The following HPSE2 variants were observed in gnomAD, a reference collection of about 807,000 sequenced individuals.
HPSE2 encodes inactive heparanase-2.
HPSE2 carries 38 observed loss-of-function variants against 60.5 expected under a neutral mutation model. The ratio of observed to expected loss-of-function variants is 0.63; its 90% CI spans 0.48 to 0.82. The LOEUF (loss-of-function observed/expected upper bound fraction) is 0.82, where lower values mean the gene tolerates loss of function less well. Ranked by LOEUF, HPSE2 falls within the 40% of genes least tolerant of loss-of-function variation. HPSE2 has a pLI of 0.00. For missense variants in HPSE2, 713 were observed against 740.4 expected (o/e 0.96, Z 0.43); for synonymous variants, 295 against 293.2 (o/e 1.01, Z -0.06).
chr10:98,622,935 T>A (rs1413940000), intron 7 of HPSE2, among the ~76,000 whole-genome samples: 1 of 152,144 alleles, frequency 6.6e-6, no homozygotes, highest in Non-Finnish European at 1.5e-5. Context: ...ATGGCCAGAT[T>A]AAAGGACTAC....
At chr10:98,996,501 A>T in intron 3 of HPSE2, among the ~76,000 whole-genome samples, 1 of 152,214 alleles carries the variant, frequency 6.6e-6, no homozygotes, top group East Asian at 1.9e-4. Flanking sequence ...AGATATTTTT[A>T]TGAGAAAAAC....
rs1164663628 is a variant in HPSE2, at chr10:98,482,547, G to A, written c.1613+89C>T. 9.8e-6 allele frequency: 15 copies of A among 1,525,896 alleles called. No individual in the cohort carries two copies. In the Admixed American group the frequency reaches 2.3e-4, roughly 24 times the overall value. 94.5% of individuals were successfully genotyped at this position (1,525,896 alleles called of 1,614,324 possible). Reference sequence around the variant, plus strand: ...ACTCCATCCCACTGAGCCCTTGAGAGAATTAGCAGCAACCTTGGTGTCTTC... The same window carrying A: ...ACTCCATCCCACTGAGCCCTTGAGAAAATTAGCAGCAACCTTGGTGTCTTC... On this transcript the variant is annotated intron_variant, in intron 11 of 11. Transcript: ENST00000370552.
chr10:98,541,981 C>T (rs71486163), intron 9 of HPSE2, among the ~76,000 whole-genome samples: 55,865 of 139,056 alleles, frequency 0.4, 11,557 homozygotes, highest in South Asian at 0.53. Flanking sequence ...TCTCCCAGCA[C>T]GCAGCTGGAG....
Position 98,647,972 on chromosome 10 carries a change from G to C in HPSE2, c.1005-6032C>G, listed in dbSNP as rs141482675. ...AGTTCAGTAAGAAAGAGTTTGTACT[G>C]TGGAAAAATGTTATAGAAAAATAGT... On this transcript the variant is annotated intron_variant, in intron 6 of 11. Coordinates refer to ENST00000370552, the MANE Select transcript of HPSE2 (RefSeq NM_021828.5). 2.0e-3 allele frequency among the ~76,000 whole-genome samples: 305 copies of C among 152,298 alleles called. 3 individuals are homozygous for C. Among genetic ancestry groups the C allele is most frequent in the African/African-American group, 7.0e-3 (293 of 41,562 alleles).
At chr10:98,984,825 C>G (rs756227120) in intron 3 of HPSE2, among the ~76,000 whole-genome samples, 1 of 152,128 alleles carries the variant, frequency 6.6e-6, no homozygotes, top group Non-Finnish European at 1.5e-5. Flanking sequence ...AACCACGGCA[C>G]GAGAACTACG....
rs1279351562 is a variant in HPSE2, at chr10:99,052,064, C to A, written c.610+92174G>T. Reference sequence around the variant, plus strand: ...ACTCTACAGGGTAATAAAAATGTGACCCATAATTAAAAGAAAAAGCAGTCA... The same window carrying A: ...ACTCTACAGGGTAATAAAAATGTGAACCATAATTAAAAGAAAAAGCAGTCA... On this transcript the variant is annotated intron_variant, in intron 3 of 11. Transcript: ENST00000370552. Among the ~76,000 whole-genome samples, 4 of 151,316 alleles carry A rather than the reference C, an allele frequency of 2.6e-5. No homozygotes were observed. In the South Asian group the frequency reaches 8.4e-4, roughly 32 times the overall value.
At chr10:98,491,706 AAGGGGTATCTC>A (rs1941650412) in intron 9 of HPSE2, among the ~76,000 whole-genome samples, 1 of 152,220 alleles carries the variant, frequency 6.6e-6, no homozygotes, top group East Asian at 1.9e-4. Flanking sequence ...AGAATGTTTC[AAGGGGTATCTC>A]AGGTCACAAA....
At chr10:98,507,658 C>T (rs576976690) in intron 9 of HPSE2, among the ~76,000 whole-genome samples, 106 of 151,996 alleles carry the variant, frequency 7.0e-4, no homozygotes, top group Non-Finnish European at 1.3e-3. Context: ...TTTCAAACTC[C>T]GTCCTCCCCC....
chr10:99,176,467 G>A (rs1383388677), intron 2 of HPSE2, among the ~76,000 whole-genome samples: 3 of 152,008 alleles, frequency 2.0e-5, no homozygotes, highest in Non-Finnish European at 4.4e-5. Context: ...CAAGAACTTC[G>A]TGAAGCATAC....
rs148505638 is a variant in HPSE2, at chr10:98,800,702, A to G, written c.611-56646T>C. Reference sequence around the variant, plus strand: ...AGAAATCCAAAATCTGAACAGAAAAATAACAAGTAATGAAATTGAAGTCAT... The same window carrying G: ...AGAAATCCAAAATCTGAACAGAAAAGTAACAAGTAATGAAATTGAAGTCAT... On this transcript the variant is annotated intron_variant, in intron 3 of 11. Transcript: ENST00000370552. Among the ~76,000 whole-genome samples, 559 of 152,182 alleles carry G rather than the reference A, an allele frequency of 3.7e-3. 4 individuals carry two copies. The highest frequency in any genetic ancestry group is 0.013 in the African/African-American group (541 of 41,552).
rs1946046301 is a variant in HPSE2, at chr10:98,620,592, T to G, written c.1205+10A>C. On this transcript the variant is annotated intron_variant, in intron 8 of 11. Transcript: ENST00000370552. ...AAGCCCCTGGGGGTGAACTTGCAGG[T>G]GTTACTCACAAGAATCCTGCAGCAT... 1 of 1,601,246 alleles carries G rather than the reference T, an allele frequency of 6.2e-7. No individual in the cohort carries two copies. The highest frequency in any genetic ancestry group is 1.3e-5 in the African/African-American group (1 of 74,628).
chr10:99,084,020 G>T (rs1272561932), intron 3 of HPSE2, among the ~76,000 whole-genome samples: 1 of 116,188 alleles, frequency 8.6e-6, no homozygotes, highest in Non-Finnish European at 1.7e-5. Flanking sequence ...TTTTTCCCAA[G>T]AGTCATTTCA....
chr10:99,130,234 T>G (rs1157144594), intron 3 of HPSE2, among the ~76,000 whole-genome samples: 1 of 152,158 alleles, frequency 6.6e-6, no homozygotes, highest in Non-Finnish European at 1.5e-5. Flanking sequence ...ACTGACACTA[T>G]TCCACAAGAT....
At chr10:98,733,241 C>T (rs915758115) in intron 4 of HPSE2, among the ~76,000 whole-genome samples, 3 of 152,156 alleles carry the variant, frequency 2.0e-5, no homozygotes, top group African/African-American at 7.2e-5. Flanking sequence ...CCACCTCAGC[C>T]ACCTGAGTAG....
chr10:98,486,741 G>A (rs1169253599), intron 10 of HPSE2, among the ~76,000 whole-genome samples: 1 of 152,166 alleles, frequency 6.6e-6, no homozygotes, highest in Non-Finnish European at 1.5e-5. Flanking sequence ...AAGTCAATGT[G>A]CTTGAAACTG....
chr10:99,072,346 C>CA (rs1453376465), intron 3 of HPSE2, among the ~76,000 whole-genome samples: 50 of 109,004 alleles, frequency 4.6e-4, no homozygotes, highest in Non-Finnish European at 1.0e-3. Flanking sequence ...AAGAAACTAT[C>CA]ATCAGAGCAA....
chr10:98,538,778 G>A (rs1180328347), intron 9 of HPSE2, among the ~76,000 whole-genome samples: 1 of 152,086 alleles, frequency 6.6e-6, no homozygotes, highest in East Asian at 1.9e-4. Flanking sequence ...CCAAATAAAG[G>A]ACATATATTC....
intron 3 of HPSE2, among the ~76,000 whole-genome samples, chr10:98,944,733 A>G (rs1370949287): frequency 1.3e-5 from 2 of 152,148 alleles, no homozygotes; most frequent in African/African-American, 2.4e-5. Context: ...ATGCCTGCCT[A>G]TTAGCTTAAG....
intron 9 of HPSE2, among the ~76,000 whole-genome samples, chr10:98,538,352 T>C (rs1943354209): frequency 6.6e-6 from 1 of 152,206 alleles, no homozygotes; most frequent in Admixed American, 6.5e-5. Flanking sequence ...TTGGGCTTTC[T>C]TCATCTTTTT....
Sources: allele counts gnomAD v4.1 joint callset (sites outside exome capture counted in the v4.1 genomes callset), GRCh38; gene constraint gnomAD v4.1.1; transcripts MANE v1.5; gene names NCBI Gene and HGNC (gene_info 2026-07-23, HGNC 2026-07-21).